Variants in LTBP4 observed in about 807,000 individuals in gnomAD.
LTBP4 encodes latent transforming growth factor beta binding protein 4, also known as latent-transforming growth factor beta-binding protein 4.
LTBP4 carries 93 observed loss-of-function variants against 180.2 expected under a neutral mutation model. The ratio of observed to expected loss-of-function variants is 0.52; its 90% CI spans 0.44 to 0.61. The LOEUF is 0.61. Ranked by LOEUF, LTBP4 falls within the 20% of genes least tolerant of loss-of-function variation. The probability of loss-of-function intolerance (pLI) is 0.00; values close to 1 mark genes in which losing one functional copy is unlikely to be tolerated. For missense variants in LTBP4, 2,116 were observed against 2,256.5 expected (o/e 0.94, Z 1.26); for synonymous variants, 947 against 934.5 (o/e 1.01, Z -0.24).
At chr19:40,615,115 C>T (rs1192617775) in intron 19 of LTBP4, among the ~76,000 whole-genome samples, 1 of 151,382 alleles carries the variant, frequency 6.6e-6, no homozygotes, top group East Asian at 2.0e-4. Flanking sequence ...CCCGCTCTTT[C>T]ACCCCTCCCG....
chr19:40,609,352 G>A lies in LTBP4; in HGVS notation c.1427-178G>A, dbSNP rs2081487329. Among the ~76,000 whole-genome samples, 1 of 152,146 alleles carries A rather than the reference G, an allele frequency of 6.6e-6. No individual in the cohort carries two copies. The highest frequency in any genetic ancestry group is 1.5e-5 in the Non-Finnish European group (1 of 68,026). On this transcript the variant is annotated intron_variant, in intron 9 of 29. Transcript: ENST00000396819. This position sits in a 1 kb window ranked among gnomAD's most constrained non-coding sequence, Gnocchi z 4.9. ...GGCATGATGAGGGGATTCGGCCAAG[G>A]ATCTGATGAGAACGTTCCAGGATAA...
chr19:40,622,975 C>T lies in LTBP4; in HGVS notation c.3510C>T (p.His1170=), dbSNP rs758274570. 20 of 1,613,098 alleles carry T rather than the reference C, an allele frequency of 1.2e-5. 1 individual carries two copies. Among genetic ancestry groups the T allele is most frequent in the Middle Eastern group, 1.7e-4 (1 of 6,060 alleles). The part of the protein sequence containing the change: ...ETAEYQSLCP[H]GRGYLAPSGD... ...CTGAGTACCAGTCATTGTGCCCTCA[C>T]GGCCGGGGCTACCTGGCGCCCAGTG... Residue 1170 remains histidine, a synonymous_variant, in exon 24 of 30, where the codon CAC becomes CAT. Coordinates refer to ENST00000396819, the MANE Select transcript of LTBP4 (RefSeq NM_001042545.2). The surrounding 1 kb of genome is among the most constrained non-coding windows in gnomAD (Gnocchi z 5.1).
chr19:40,613,500 G>A lies in LTBP4; in HGVS notation c.2528G>A (p.Arg843Gln). The change falls in exon 17 of 30, where the codon CGA (arginine) becomes CAA (glutamine). Residue 843 changes from arginine (R) to glutamine (Q), a missense_variant. Physicochemically the swap from Arg to Gln is conservative, Grantham distance 43. Around this residue, in one of 5 missense-constraint regions of LTBP4, gnomAD observed 877 missense variants for 873.6 expected, o/e 1.00. Coordinates refer to ENST00000396819, the MANE Select transcript of LTBP4 (RefSeq NM_001042545.2). The surrounding 1 kb of genome is among the most constrained non-coding windows in gnomAD (Gnocchi z 5.0). ...GCCTGTACTTGTGCCCCTGGCTACC[G>A]ACCCGGACCCCGCGGAGCCTCTTGC... ...SFACTCAPGYRPGPRGASCLD... is the reference protein window; with the variant it reads ...SFACTCAPGYQPGPRGASCLD... The A allele has an allele frequency of 1.3e-6, 2 of 1,579,134 alleles. No homozygotes were observed. Among genetic ancestry groups the A allele is most frequent in the Admixed American group, 1.8e-5 (1 of 55,110 alleles).
Position 40,622,864 on chromosome 19 carries a change from G to A in LTBP4, c.3485-86G>A, listed in dbSNP as rs920332348. 1 of 1,462,374 alleles carries A rather than the reference G, an allele frequency of 6.8e-7. No individual in the cohort carries two copies. The highest frequency in any genetic ancestry group is 9.4e-7 in the Non-Finnish European group (1 of 1,067,760). The allele number at this position is 1,462,374 out of a possible 1,614,324, so 90.6% of individuals were successfully genotyped here. On this transcript the variant is annotated intron_variant, in intron 23 of 29. Coordinates refer to ENST00000396819, the MANE Select transcript of LTBP4 (RefSeq NM_001042545.2). This position sits in a 1 kb window ranked among gnomAD's most constrained non-coding sequence, Gnocchi z 5.1. ...GGGCACTAACAGGCACAGGGCCAGAGGGACTTTTGTGACAAGTGGGCACGA... is the reference window on the plus strand; with the variant it reads ...GGGCACTAACAGGCACAGGGCCAGAAGGACTTTTGTGACAAGTGGGCACGA...
intron 25 of LTBP4, 91 bp from the exon 26 acceptor site, chr19:40,623,845 T>G (rs2081604887): frequency 1.3e-6 from 2 of 1,597,752 alleles, no homozygotes; most frequent in African/African-American, 1.3e-5. Flanking sequence ...GAGTCTAGAC[T>G]CCATCCATCA....
chr19:40,619,922 TA>T (rs555910518), intron 22 of LTBP4, among the ~76,000 whole-genome samples: 14 of 151,976 alleles, frequency 9.2e-5, no homozygotes, highest in Admixed American at 3.9e-4. Flanking sequence ...AGAAGAGGAT[TA>T]GGGAGTTCTT....
upstream of LTBP4, among the ~76,000 whole-genome samples, chr19:40,597,792 G>C (rs1432223608): frequency 6.6e-6 from 1 of 151,994 alleles, no homozygotes; most frequent in Admixed American, 6.6e-5. Context: ...TTATGAGGCC[G>C]CTGAGTTGTC....
At chr19:40,619,140 T>C (rs1253683455) in intron 21 of LTBP4, among the ~76,000 whole-genome samples, 1 of 152,038 alleles carries the variant, frequency 6.6e-6, no homozygotes, top group Non-Finnish European at 1.5e-5. Context: ...AGAGTAGATA[T>C]AGCCCTACTC....
chr19:40,622,691 C>T lies in LTBP4; in HGVS notation c.3484+24C>T. The T allele has an allele frequency of 1.9e-6, 3 of 1,584,602 alleles. No homozygotes were observed. The highest frequency in any genetic ancestry group is 2.6e-6 in the Non-Finnish European group (3 of 1,165,758). ...AGGTGGGCATGGGCTGATGGGGACA[C>T]AGGGCTGAGGGCTTGGGTGGAAATA... On this transcript the variant is annotated intron_variant, in intron 23 of 29. Transcript: ENST00000396819. The surrounding 1 kb of genome is among the most constrained non-coding windows in gnomAD (Gnocchi z 5.1).
intron 1 of LTBP4, among the ~76,000 whole-genome samples, chr19:40,596,147 C>G (rs932288529): frequency 5.9e-5 from 9 of 151,916 alleles, no homozygotes; most frequent in Admixed American, 1.3e-4. Flanking sequence ...GTCTCGAACT[C>G]CTGACCTCAT....
chr19:40,617,167 C>T lies in LTBP4; in HGVS notation c.3012C>T (p.Ser1004=). 1 of 1,613,930 alleles carries T rather than the reference C, an allele frequency of 6.2e-7. No individual in the cohort carries two copies. The highest frequency in any genetic ancestry group is 8.5e-7 in the Non-Finnish European group (1 of 1,179,862). ...CCGTGTGCCAGAACCTGCCCGGCTC[C>T]TTCCAGTGCCTCTGTGACCAGGGTT... The part of the protein sequence containing the change: ...AHAVCQNLPG[S]FQCLCDQGYE... Residue 1004 remains serine, a synonymous_variant, in exon 21 of 30, where the codon TCC becomes TCT. Transcript: ENST00000396819.
At position 40,602,145 on chromosome 19, in the gene LTBP4, TTGTGTGTGTG is replaced by T. The variant is rs751242257; in HGVS notation, c.250+537_250+546del. On this transcript the variant is annotated intron_variant, in intron 1 of 29. Coordinates refer to ENST00000396819, the MANE Select transcript of LTBP4 (RefSeq NM_001042545.2). ...GAGGGAGAGGGGACAGAGACGGGGG[TTGTGTGTGTG>T]TGTGTGTGTGTGTGTGTGTGTGTGT... Among the ~76,000 whole-genome samples, 365 of 81,818 alleles carry T rather than the reference TTGTGTGTGTG, an allele frequency of 4.5e-3. 4 individuals are homozygous for T. The highest frequency in any genetic ancestry group is 0.018 in the African/African-American group (295 of 16,632). The allele number at this position is 81,818 out of a possible 152,430, so 53.7% of individuals were successfully genotyped here. A position where few individuals can be genotyped will look rare whatever the true frequency, so the allele number is the denominator to read the frequency against.
chr19:40,606,499 C>G lies in LTBP4; in HGVS notation c.964C>G (p.Leu322Val). 1 of 1,572,918 alleles carries G rather than the reference C, an allele frequency of 6.4e-7. No homozygotes were observed. The highest frequency in any genetic ancestry group is 8.6e-7 in the Non-Finnish European group (1 of 1,160,402). The change falls in exon 6 of 30, where the codon CTC (leucine) becomes GTC (valine). Residue 322 changes from leucine to valine, a missense_variant. Physicochemically the swap from Leu to Val is conservative, Grantham distance 32. Around this residue, in one of 5 missense-constraint regions of LTBP4, gnomAD observed 469 missense variants for 532.5 expected, o/e 0.88. Coordinates refer to ENST00000396819, the MANE Select transcript of LTBP4 (RefSeq NM_001042545.2). ...YTCVCPDGFLLDSSRSSCISQ... is the reference protein window; with the variant it reads ...YTCVCPDGFLVDSSRSSCISQ... ...GTGTGTGTGCCCCGACGGCTTTCTG[C>G]TCGACTCGTCCCGCAGCAGCTGCAT...
At position 40,627,004 on chromosome 19, in the gene LTBP4, C is replaced by G; in HGVS notation, c.4015C>G (p.Arg1339Gly). 1 of 1,586,886 alleles carries G rather than the reference C, an allele frequency of 6.3e-7. No homozygotes were observed. The highest frequency in any genetic ancestry group is 2.2e-5 in the East Asian group (1 of 44,452). Residue 1339 changes from arginine (R) to glycine (G), a missense_variant, in exon 28 of 30, where the codon CGC becomes GGC. Around this residue, in one of 5 missense-constraint regions of LTBP4, gnomAD observed 488 missense variants for 458.8 expected, o/e 1.06. Coordinates refer to ENST00000396819, the MANE Select transcript of LTBP4 (RefSeq NM_001042545.2). ...DDFEALCNVLRPPAYSPPRPG... is the reference protein window; with the variant it reads ...DDFEALCNVLGPPAYSPPRPG... ...CTTCGAGGCCCTGTGCAATGTGCTA[C>G]GCCCCCCCGCATATAGCCCCCCGCG...
chr19:40,623,169 T>C, intron 24 of LTBP4, 148 bp downstream of exon 24: 2 of 515,918 alleles, frequency 3.9e-6, no homozygotes, highest in Non-Finnish European at 6.2e-6. Flanking sequence ...TTCTTTCTTT[T>C]CTTTCTTTTT....
In LTBP4 at chr19:40,607,435, C is replaced by T. The variant is rs751255064; in HGVS notation, c.1062C>T (p.Pro354=). 4 of 1,613,420 alleles carry T rather than the reference C, an allele frequency of 2.5e-6. No homozygotes were observed. The highest frequency in any genetic ancestry group is 3.4e-6 in the Non-Finnish European group (4 of 1,179,736). Residue 354 remains proline (P), a synonymous_variant, in exon 7 of 30, where the codon CCC becomes CCT. Coordinates refer to ENST00000396819, the MANE Select transcript of LTBP4 (RefSeq NM_001042545.2). ...TCCGCGACGGCGGCTGTTCGCTGCC[C>T]ATTCTGCGGAACATCACTAAACAGA... ...RVLRDGGCSL[P]ILRNITKQIC... is the part of the protein sequence containing the mutation.
rs1036981123 is a variant in LTBP4 at position 40,608,766 on chromosome 19, C to G, written c.1426+163C>G. ...TCTCTACTAAAACTACAAAAATTAA[C>G]TGGGCGTGGTGGCAGATGCCTGTAA... is the stretch of plus-strand genomic sequence containing the variant. On this transcript the variant is annotated intron_variant, in intron 9 of 29. Transcript: ENST00000396819. The G allele has an allele frequency of 4.0e-6, 3 of 747,532 alleles. No individual in the cohort carries two copies. In the African/African-American group the frequency reaches 5.3e-5, roughly 13 times the overall value. 46.3% of individuals were successfully genotyped at this position (747,532 alleles called of 1,614,324 possible).
chr19:40,610,036 C>A, intron 11 of LTBP4, 165 bp downstream of exon 11: 1 of 963,434 alleles, frequency 1.0e-6, no homozygotes, highest in Non-Finnish European at 1.5e-6. Context: ...CTCCACCCAG[C>A]TCCAGCCTCC....
rs191216887 is a variant in LTBP4 at position 40,613,423 on chromosome 19, G to A, written c.2451G>A (p.Glu817=). The change falls in exon 17 of 30, where the codon GAG becomes GAA. Residue 817 remains glutamate (E), a synonymous_variant. Coordinates refer to ENST00000396819, the MANE Select transcript of LTBP4 (RefSeq NM_001042545.2). The surrounding 1 kb of genome is among the most constrained non-coding windows in gnomAD (Gnocchi z 5.0). ...GPCADVNECL[E]GDFCFPHGEC... ...CCCTAGACGTGAACGAGTGCCTGGA[G>A]GGCGATTTCTGCTTCCCTCACGGCG... 748 of 1,606,574 alleles carry A rather than the reference G, an allele frequency of 4.7e-4. 7 individuals are homozygous for A. In the African/African-American group the frequency reaches 8.7e-3, roughly 19 times the overall value.
Sources: allele counts gnomAD v4.1 joint callset (sites outside exome capture counted in the v4.1 genomes callset), GRCh38; gene constraint gnomAD v4.1.1; regional missense constraint gnomAD v4.1.1; non-coding constraint Gnocchi (gnomAD v3.1); transcripts MANE v1.5; gene names NCBI Gene and HGNC (gene_info 2026-07-23, HGNC 2026-07-21).